Variants in C4orf33 observed in about 807,000 individuals in gnomAD.
C4orf33 encodes chromosome 4 open reading frame 33.
Under a neutral mutation model 24.3 loss-of-function variants are expected in C4orf33, and 20 were observed. The observed-to-expected ratio is 0.82, with a 90% CI of 0.58 to 1.19. C4orf33 has a LOEUF of 1.19. C4orf33 is among the 50% of genes most tolerant of loss of function. C4orf33 has a pLI of 0.00. For missense variants in C4orf33, 207 were observed against 225.9 expected (o/e 0.92, Z 0.54); for synonymous variants, 67 against 76.4 (o/e 0.88, Z 0.64).
chr4:129,109,136 G>A (rs1207654217), intron 3 of C4orf33, among the ~76,000 whole-genome samples, 171 bp from the exon 4 acceptor site: 3 of 152,144 alleles, frequency 2.0e-5, no homozygotes, highest in African/African-American at 7.2e-5. Context: ...TGATCCACCC[G>A]CCTTGGCCTC....
intron 3 of C4orf33, among the ~76,000 whole-genome samples, chr4:129,108,018 C>A (rs1027654754): frequency 6.6e-6 from 1 of 151,884 alleles, no homozygotes; most frequent in Non-Finnish European, 1.5e-5. Flanking sequence ...AGTTAATAAT[C>A]AAGAATCATA....
chr4:129,109,923 G>A, intron 5 of C4orf33: 4 of 1,189,730 alleles, frequency 3.4e-6, no homozygotes, highest in Non-Finnish European at 4.3e-6. Flanking sequence ...GTTTGCATGT[G>A]AGAAAAGTAA....
rs370206168 is a variant in C4orf33 at position 129,111,751 on chromosome 4, C to T, written c.560C>T (p.Pro187Leu). 147 of 1,611,954 alleles carry T rather than the reference C, an allele frequency of 9.1e-5. 1 individual carries two copies. The highest frequency in any genetic ancestry group is 1.2e-4 in the Non-Finnish European group (138 of 1,178,574). ...CTGCTTGGAGAAGAGTGGAAACAACCGGAATCAGACCTGTGGCTAATAGAG... is the reference window on the plus strand; with the variant it reads ...CTGCTTGGAGAAGAGTGGAAACAACTGGAATCAGACCTGTGGCTAATAGAG... ...NTLLGEEWKQPESDLWLIEKC... is the reference protein window; with the variant it reads ...NTLLGEEWKQLESDLWLIEKC... The change falls in exon 6 of 6, where the codon CCG (proline) becomes CTG (leucine). Residue 187 changes from proline to leucine, a missense_variant. Coordinates refer to ENST00000425929, the MANE Select transcript of C4orf33 (RefSeq NM_001099783.2).
Position 129,109,304 on chromosome 4 carries a change from C to T in C4orf33, c.243-3C>T. The T allele has an allele frequency of 1.2e-6, 2 of 1,613,458 alleles. No homozygotes were observed. The highest frequency in any genetic ancestry group is 2.2e-5 in the South Asian group (2 of 91,050). ...CACTCATGAGGAATCTTAATTTTGA[C>T]AGCCACGGACAGCATTTAGTGCTTT... is the stretch of plus-strand genomic sequence containing the variant. On this transcript the variant is annotated splice_region_variant and splice_polypyrimidine_tract_variant and intron_variant, in intron 3 of 5. Coordinates refer to ENST00000425929, the MANE Select transcript of C4orf33 (RefSeq NM_001099783.2).
intron 2 of C4orf33, among the ~76,000 whole-genome samples, chr4:129,105,036 G>A (rs549910551): frequency 1.3e-5 from 2 of 151,894 alleles, no homozygotes; most frequent in South Asian, 2.1e-4. Flanking sequence ...GTGTGCTTAT[G>A]TATGTATGTA....
chr4:129,109,689 T>C lies in C4orf33; in HGVS notation c.494+17T>C. On this transcript the variant is annotated intron_variant, in intron 5 of 5. Coordinates refer to ENST00000425929, the MANE Select transcript of C4orf33 (RefSeq NM_001099783.2). ...ACCTGATTTGTAAGTAGAAAATAAA[T>C]GAAGATATGTTCCAAATACACGAGT... is the stretch of plus-strand genomic sequence containing the variant. The C allele has an allele frequency of 6.2e-7, 1 of 1,601,482 alleles. No individual in the cohort carries two copies. The highest frequency in any genetic ancestry group is 1.7e-5 in the Admixed American group (1 of 59,628).
intron 1 of C4orf33, among the ~76,000 whole-genome samples, chr4:129,099,067 C>T (rs1418580439): frequency 2.0e-5 from 3 of 152,188 alleles, no homozygotes; most frequent in African/African-American, 7.2e-5. Flanking sequence ...ACAAGCCCAG[C>T]TCATCTCCTA....
At chr4:129,103,205 G>T (rs938901461) in intron 2 of C4orf33, among the ~76,000 whole-genome samples, 4 of 151,750 alleles carry the variant, frequency 2.6e-5, no homozygotes, top group Admixed American at 1.3e-4. Context: ...ATTTTTAGTA[G>T]AGACAGGGTT....
rs1012731016 is a variant in C4orf33 at position 129,113,205 on chromosome 4, G to A, written c.*1414G>A. 3 of 152,112 alleles carry A rather than the reference G, an allele frequency of 2.0e-5. No individual in the cohort carries two copies. The highest frequency in any genetic ancestry group is 2.9e-5 in the Non-Finnish European group (2 of 68,004). 9.4% of individuals were successfully genotyped at this position (152,112 alleles called of 1,614,324 possible). A position where few individuals can be genotyped will look rare whatever the true frequency, so the allele number is the denominator to read the frequency against. On this transcript the variant is annotated 3_prime_UTR_variant, in exon 6 of 6. Coordinates refer to ENST00000425929, the MANE Select transcript of C4orf33 (RefSeq NM_001099783.2). ...TAAAATACTGAATTTGAATGTTGTA[G>A]CTTGTGAGCTTTCTCAAATCTAATG... is the stretch of plus-strand genomic sequence containing the variant.
chr4:129,109,124 C>T (rs888801377), intron 3 of C4orf33, among the ~76,000 whole-genome samples, 183 bp from the exon 4 acceptor site: 1 of 152,146 alleles, frequency 6.6e-6, no homozygotes, highest in Non-Finnish European at 1.5e-5. Context: ...CTCCTGACCT[C>T]GTGATCCACC....
rs1170572278 is a variant in C4orf33, at chr4:129,109,481, TC to T, written c.305del (p.Pro102LeufsTer28). 2 of 1,613,026 alleles carry T rather than the reference TC, an allele frequency of 1.2e-6. No individual in the cohort carries two copies. The highest frequency in any genetic ancestry group is 8.5e-7 in the Non-Finnish European group (1 of 1,178,998). ...GRRNVWKQEL[P>X]LSFRMSRGET... Reference sequence around the variant, plus strand: ...ACATGTTGTTTCTGTAGCAAGAACTTCCTTTATCGTTCAGAATGTCCAGAGG... The same window carrying T: ...ACATGTTGTTTCTGTAGCAAGAACTTCTTTATCGTTCAGAATGTCCAGAGG... On this transcript the variant is annotated frameshift_variant, in exon 5 of 6. Transcript: ENST00000425929. LOFTEE classifies it high-confidence loss of function.
At chr4:129,101,132 A>C (rs1282766437) in intron 1 of C4orf33, among the ~76,000 whole-genome samples, 1 of 152,168 alleles carries the variant, frequency 6.6e-6, no homozygotes, top group Non-Finnish European at 1.5e-5. Context: ...AGAATTGTTT[A>C]ATTTTAGAGA....
rs1173153897 is a variant in C4orf33, at chr4:129,109,321, T to C, written c.257T>C (p.Leu86Ser). 1 of 1,614,146 alleles carries C rather than the reference T, an allele frequency of 6.2e-7. No homozygotes were observed. Among genetic ancestry groups the C allele is most frequent in the Non-Finnish European group, 8.5e-7 (1 of 1,179,964 alleles). ...AATTTTGACAGCCACGGACAGCATT[T>C]AGTGCTTTTACTTTCTGGAAGAAGA... ...EVELCPHGQH[L>S]VLLLSGRRNV... is the part of the protein sequence containing the mutation. The change falls in exon 4 of 6, where the codon TTA (leucine) becomes TCA (serine). Residue 86 changes from leucine to serine, a missense_variant. Transcript: ENST00000425929.
intron 5 of C4orf33, 80 bp downstream of exon 5, chr4:129,109,752 CTT>C: frequency 8.3e-7 from 1 of 1,199,672 alleles, no homozygotes; most frequent in Non-Finnish European, 1.2e-6. Context: ...AGAAGTAACA[CTT>C]TTGATCAAAG....
chr4:129,114,523 G>C lies in C4orf33; in HGVS notation c.*2732G>C, dbSNP rs1287135069. ...TTAACTACAGTCAACCTCTTTGGAA[G>C]TTATTGTCCTATGTTTGCTTCATGG... On this transcript the variant is annotated 3_prime_UTR_variant, in exon 6 of 6. Coordinates refer to ENST00000425929, the MANE Select transcript of C4orf33 (RefSeq NM_001099783.2). The C allele has an allele frequency of 6.6e-6, 1 of 152,196 alleles. No individual in the cohort carries two copies. Among genetic ancestry groups the C allele is most frequent in the Non-Finnish European group, 1.5e-5 (1 of 68,062 alleles). 9.4% of individuals were successfully genotyped at this position (152,196 alleles called of 1,614,324 possible).
rs1753625240 is a variant in C4orf33, at chr4:129,109,581, T to C, written c.403T>C (p.Phe135Leu). Residue 135 changes from phenylalanine to leucine, a missense_variant, in exon 5 of 6, where the codon TTT becomes CTT. Physicochemically the swap from Phe to Leu is conservative, Grantham distance 22. Coordinates refer to ENST00000425929, the MANE Select transcript of C4orf33 (RefSeq NM_001099783.2). The part of the protein sequence containing the change: ...FPPNVTKFNS[F>L]AIHGSKDKRS... ...ACCAAATGTGACAAAATTCAATTCA[T>C]TTGCAATTCATGGATCAAAAGATAA... 22 of 1,614,054 alleles carry C rather than the reference T, an allele frequency of 1.4e-5. No individual in the cohort carries two copies. Among genetic ancestry groups the C allele is most frequent in the Non-Finnish European group, 1.6e-5 (19 of 1,179,924 alleles).
chr4:129,105,996 A>C (rs1753505952), intron 2 of C4orf33, among the ~76,000 whole-genome samples: 2 of 152,170 alleles, frequency 1.3e-5, no homozygotes, highest in South Asian at 4.1e-4. Context: ...GCTGTTCTGC[A>C]GCTGACTTAT....
intron 2 of C4orf33, among the ~76,000 whole-genome samples, chr4:129,103,395 TC>T (rs1753422176): frequency 6.6e-6 from 1 of 152,170 alleles, no homozygotes; most frequent in Admixed American, 6.5e-5. Flanking sequence ...AGTTCAGGAT[TC>T]CTGTTTTGTA....
At chr4:129,105,159 C>G (rs1229317009) in intron 2 of C4orf33, among the ~76,000 whole-genome samples, 5 of 152,126 alleles carry the variant, frequency 3.3e-5, no homozygotes, top group African/African-American at 4.8e-5. Flanking sequence ...CTTCAGTCAA[C>G]TGGCTGGAAA....
Sources: allele counts gnomAD v4.1 joint callset (sites outside exome capture counted in the v4.1 genomes callset), GRCh38; gene constraint gnomAD v4.1.1; transcripts MANE v1.5; gene names NCBI Gene and HGNC (gene_info 2026-07-23, HGNC 2026-07-21).